The following ANXA3 variants were observed in gnomAD, a reference collection of about 807,000 sequenced individuals.
The protein encoded by ANXA3 is 35-alpha calcimedin.
Under a neutral mutation model 48.8 loss-of-function variants are expected in ANXA3, and 46 were observed. The ratio of observed to expected loss-of-function variants is 0.94; its 90% confidence interval spans 0.74 to 1.21. ANXA3 has a LOEUF of 1.21. Ranked by LOEUF, ANXA3 falls within the 50% of genes most tolerant of loss-of-function variation. The pLI is 0.00. For missense variants in ANXA3, 383 were observed against 378.6 expected (o/e 1.01, Z -0.10); for synonymous variants, 128 against 134.7 (o/e 0.95, Z 0.35).
At chr4:78,556,990 A>C (rs889619113) in intron 2 of ANXA3, among the ~76,000 whole-genome samples, 1 of 152,214 alleles carries the variant, frequency 6.6e-6, no homozygotes, top group Admixed American at 6.5e-5. Context: ...TCACAGTTCT[A>C]TATGTTAGAA....
At chr4:78,604,144 T>TAAA in intron 11 of ANXA3, 133 bp from the exon 12 acceptor site, 1 of 805,990 alleles carries the variant, frequency 1.2e-6, no homozygotes. Flanking sequence ...AATGATGAGT[T>TAAA]TGATAATAAA....
rs1359809932 is a variant in ANXA3 at position 78,573,235 on chromosome 4, C to G, written c.71C>G (p.Ala24Gly). Reference sequence around the variant, plus strand: ...CCAGACTTTAGCCCATCAGTGGATGCTGAAGCTATTCAGAAAGCAATCAGA... The same window carrying G: ...CCAGACTTTAGCCCATCAGTGGATGGTGAAGCTATTCAGAAAGCAATCAGA... The part of the protein sequence containing the change: ...DYPDFSPSVD[A>G]EAIQKAIRGI... Residue 24 changes from alanine to glycine, a missense_variant, in exon 3 of 13, where the codon GCT (alanine) becomes GGT (glycine). By Grantham distance (60) the Ala-to-Gly change is moderately conservative. Transcript: ENST00000264908. 6.2e-7 allele frequency: 1 copy of G among 1,613,282 alleles called. No homozygotes were observed. The highest frequency in any genetic ancestry group is 2.2e-5 in the East Asian group (1 of 44,884).
At chr4:78,560,771 AAT>A (rs1722610791) in intron 2 of ANXA3, among the ~76,000 whole-genome samples, 2 of 152,146 alleles carry the variant, frequency 1.3e-5, no homozygotes, top group Admixed American at 6.5e-5. Flanking sequence ...GAGTCACCCC[AAT>A]TGCATCACAA....
chr4:78,596,719 G>A (rs973030215), intron 9 of ANXA3, among the ~76,000 whole-genome samples: 1 of 152,084 alleles, frequency 6.6e-6, no homozygotes, highest in Non-Finnish European at 1.5e-5. Context: ...ATAACCCTAG[G>A]TCTCTCTCCA....
chr4:78,562,933 A>G (rs1722654042), intron 2 of ANXA3, among the ~76,000 whole-genome samples: 1 of 152,212 alleles, frequency 6.6e-6, no homozygotes, highest in Non-Finnish European at 1.5e-5. Flanking sequence ...TGAATGCAAC[A>G]GGAAGATTCC....
At chr4:78,559,300 C>G (rs1217852307) in intron 2 of ANXA3, among the ~76,000 whole-genome samples, 6 of 152,104 alleles carry the variant, frequency 3.9e-5, no homozygotes, top group African/African-American at 1.4e-4. Context: ...CCAGGCTGGT[C>G]TTGAACTCCT....
intron 2 of ANXA3, among the ~76,000 whole-genome samples, chr4:78,555,619 A>T (rs1176040724): frequency 1.3e-5 from 2 of 151,992 alleles, no homozygotes; most frequent in Non-Finnish European, 2.9e-5. Flanking sequence ...TGGGAGGATC[A>T]TTTGAGCCCA....
At chr4:78,599,530 G>A (rs199691663) in intron 10 of ANXA3, among the ~76,000 whole-genome samples, 1 of 152,140 alleles carries the variant, frequency 6.6e-6, no homozygotes, top group African/African-American at 2.4e-5. Context: ...TTTCAATAGA[G>A]AGAACATGTT....
At chr4:78,580,646 G>T (rs956157540) in intron 4 of ANXA3, among the ~76,000 whole-genome samples, 1 of 152,170 alleles carries the variant, frequency 6.6e-6, no homozygotes, top group Non-Finnish European at 1.5e-5. Context: ...CCATCCACAG[G>T]CACCTCAGGA....
At chr4:78,559,874 G>A (rs368684690) in intron 2 of ANXA3, among the ~76,000 whole-genome samples, 1 of 152,164 alleles carries the variant, frequency 6.6e-6, no homozygotes, top group Non-Finnish European at 1.5e-5. Context: ...CATGGAGTGA[G>A]CACTCAATAA....
chr4:78,583,240 G>A (rs1449015964), intron 5 of ANXA3, among the ~76,000 whole-genome samples: 1 of 152,170 alleles, frequency 6.6e-6, no homozygotes, highest in East Asian at 1.9e-4. Flanking sequence ...TACTTGGGAG[G>A]CTGTGGTGGG....
intron 7 of ANXA3, among the ~76,000 whole-genome samples, chr4:78,593,625 C>CATTATTATTATTATTATT (rs568701695): frequency 1.5e-3 from 217 of 146,996 alleles, no homozygotes; most frequent in African/African-American, 4.8e-3. Context: ...CTTTCCTTTC[C>CATTATTATTATTATTATT]ATTATTATTA....
At chr4:78,560,781 C>A (rs898855464) in intron 2 of ANXA3, among the ~76,000 whole-genome samples, 1 of 152,138 alleles carries the variant, frequency 6.6e-6, no homozygotes, top group African/African-American at 2.4e-5. Context: ...AATTGCATCA[C>A]AAAGTCACTC....
At chr4:78,596,532 A>G (rs999891657) in intron 9 of ANXA3, among the ~76,000 whole-genome samples, 3 of 152,214 alleles carry the variant, frequency 2.0e-5, no homozygotes, top group Non-Finnish European at 4.4e-5. Flanking sequence ...CAGCAAGACC[A>G]AGCTTATGCT....
chr4:78,592,047 T>C (rs1170425681), intron 7 of ANXA3, among the ~76,000 whole-genome samples: 1 of 152,186 alleles, frequency 6.6e-6, no homozygotes, highest in Non-Finnish European at 1.5e-5. Context: ...AGAAGAATGA[T>C]CTTTAGAGAT....
chr4:78,584,409 C>A (rs1723131077), intron 5 of ANXA3, among the ~76,000 whole-genome samples: 1 of 152,064 alleles, frequency 6.6e-6, no homozygotes, highest in Non-Finnish European at 1.5e-5. Flanking sequence ...ACTCCTGAGT[C>A]AAGCAATCCT....
At position 78,599,530 on chromosome 4, in the gene ANXA3, G is replaced by C. The variant is rs199691663; in HGVS notation, c.731-1980G>C. On this transcript the variant is annotated intron_variant, in intron 10 of 12. Transcript: ENST00000264908. The stretch of plus-strand genomic sequence containing the variant: ...TATTCAGTAGAACTATTTCAATAGA[G>C]AGAACATGTTGATTTCAGAAACCTG... 2.6e-5 allele frequency among the ~76,000 whole-genome samples: 4 copies of C among 152,140 alleles called. No individual in the cohort carries two copies. In the East Asian group the frequency reaches 7.7e-4, roughly 29 times the overall value.
intron 3 of ANXA3, among the ~76,000 whole-genome samples, chr4:78,575,601 A>T (rs1165568892): frequency 1.3e-5 from 2 of 152,214 alleles, no homozygotes; most frequent in Non-Finnish European, 2.9e-5. Flanking sequence ...CCCCAGCCAC[A>T]TGGAACTGTG....
At chr4:78,578,852 A>AAAAT (rs3840270) in intron 3 of ANXA3, among the ~76,000 whole-genome samples, 175 bp from the exon 4 acceptor site, 14,072 of 148,674 alleles carry the variant, frequency 0.095, 715 homozygotes, top group African/African-American at 0.12. Flanking sequence ...TCAGGCAAAC[A>AAAAT]AAATAAATAA....
Sources: allele counts gnomAD v4.1 joint callset (sites outside exome capture counted in the v4.1 genomes callset), GRCh38; gene constraint gnomAD v4.1.1; transcripts MANE v1.5; gene names NCBI Gene and HGNC (gene_info 2026-07-23, HGNC 2026-07-21).